The following ERMARD variants were observed in gnomAD, a reference collection of about 807,000 sequenced individuals.
The protein encoded by ERMARD is ER membrane associated RNA degradation.
In ERMARD, 71 loss-of-function variants were observed where a neutral mutation model predicts 83.9. The ratio of observed to expected loss-of-function variants is 0.85; its 90% CI spans 0.70 to 1.03. ERMARD has a LOEUF of 1.03. Ranked by LOEUF, ERMARD falls within the 50% of genes least tolerant of loss-of-function variation. The pLI is 0.00. For missense variants in ERMARD, 838 were observed against 810.9 expected (o/e 1.03, Z -0.41); for synonymous variants, 284 against 298.6 (o/e 0.95, Z 0.50).
chr6:169,776,241 G>A (rs747290751), intron 15 of ERMARD, 176 bp downstream of exon 15: 5 of 1,529,680 alleles, frequency 3.3e-6, no homozygotes, highest in Non-Finnish European at 4.4e-6. Flanking sequence ...TGCAAGCTTG[G>A]CACATCTGAT....
chr6:169,779,534 G>C (rs1383170721), intron 17 of ERMARD, among the ~76,000 whole-genome samples: 3 of 151,834 alleles, frequency 2.0e-5, no homozygotes, highest in Non-Finnish European at 2.9e-5. Context: ...TTGTTCTGTT[G>C]CCCATGCTGG....
intron 3 of ERMARD, 59 bp from the exon 4 acceptor site, chr6:169,756,279 T>G (rs1281726033): frequency 9.7e-7 from 1 of 1,029,186 alleles, no homozygotes; most frequent in Non-Finnish European, 1.4e-6. Context: ...TAAATAATAT[T>G]GTTGCTTTGA....
At chr6:169,775,065 A>G (rs931404693) in intron 13 of ERMARD, among the ~76,000 whole-genome samples, 6 of 151,982 alleles carry the variant, frequency 3.9e-5, no homozygotes, top group Admixed American at 2.0e-4. Context: ...CCAGACGTTC[A>G]CTCCCTTCCA....
Position 169,769,652 on chromosome 6 carries a change from T to G in ERMARD, c.1172T>G (p.Leu391Arg), listed in dbSNP as rs776104892. The change falls in exon 12 of 18, where the codon CTT becomes CGT. Residue 391 changes from leucine to arginine, a missense_variant. Coordinates refer to ENST00000366773, the MANE Select transcript of ERMARD (RefSeq NM_018341.3). ...TCAAAAGAAACAACTAATCAGTTGC[T>G]TGCATTTTCTCTTGTACTGCTACTC... ...EFSKETTNQL[L>R]AFSLVLLLRF... 8.2e-5 allele frequency: 133 copies of G among 1,612,936 alleles called. No homozygotes were observed. The highest frequency in any genetic ancestry group is 1.1e-4 in the Non-Finnish European group (130 of 1,179,550).
chr6:169,777,764 A>G (rs557530677), intron 16 of ERMARD, among the ~76,000 whole-genome samples: 3 of 151,980 alleles, frequency 2.0e-5, no homozygotes, highest in African/African-American at 7.2e-5. Context: ...AGACCTCCCC[A>G]GGCCCGCCCC....
At chr6:169,763,614 T>C (rs978825876) in intron 9 of ERMARD, among the ~76,000 whole-genome samples, 3 of 152,248 alleles carry the variant, frequency 2.0e-5, no homozygotes, top group African/African-American at 7.2e-5. Context: ...GATTCTCGTC[T>C]CTTTCTCTAG....
At chr6:169,770,404 T>G (rs1228763568) in intron 12 of ERMARD, 3 of 152,204 alleles carry the variant, frequency 2.0e-5, no homozygotes, top group East Asian at 1.9e-4. Context: ...GCCTTATTCT[T>G]TTTGTCAGCT....
intron 10 of ERMARD, chr6:169,767,683 C>T: frequency 4.6e-6 from 1 of 219,712 alleles, no homozygotes; most frequent in South Asian, 7.8e-5. Context: ...CACACATGCA[C>T]ACACCACACA....
chr6:169,751,858 C>T (rs1341861695), intron 1 of ERMARD, 195 bp downstream of exon 1: 2 of 773,654 alleles, frequency 2.6e-6, no homozygotes, highest in Non-Finnish European at 3.7e-6. Flanking sequence ...TGCAAGACGC[C>T]TGGCGGGCCC....
At chr6:169,752,784 G>C (rs1183361836) in intron 1 of ERMARD, among the ~76,000 whole-genome samples, 1 of 152,160 alleles carries the variant, frequency 6.6e-6, no homozygotes, top group Non-Finnish European at 1.5e-5. Context: ...GTGTCATGTG[G>C]GGTAATTGTG....
At position 169,754,017 on chromosome 6, in the gene ERMARD, A is replaced by G. The variant is rs1790482745; in HGVS notation, c.160A>G (p.Ser54Gly). The G allele has an allele frequency of 6.2e-7, 1 of 1,611,766 alleles. No individual in the cohort carries two copies. The highest frequency in any genetic ancestry group is 1.7e-5 in the Admixed American group (1 of 59,792). The change falls in exon 2 of 18, where the codon AGC (serine) becomes GGC (glycine). Residue 54 changes from serine to glycine, a missense_variant. By Grantham distance (56) the Ser-to-Gly change is moderately conservative. Transcript: ENST00000366773. ...VCWKTITDCV[S>G]YTESEQGLDY... Reference sequence around the variant, plus strand: ...CTGGAAAACAATCACAGACTGTGTGAGCTACACAGAGTCAGGTTTGTGCTG... The same window carrying G: ...CTGGAAAACAATCACAGACTGTGTGGGCTACACAGAGTCAGGTTTGTGCTG...
At chr6:169,752,582 A>C (rs1006722346) in intron 1 of ERMARD, among the ~76,000 whole-genome samples, 1 of 152,174 alleles carries the variant, frequency 6.6e-6, no homozygotes, top group African/African-American at 2.4e-5. Context: ...CTGAGAGTGG[A>C]AAGTGCAACT....
At position 169,766,636 on chromosome 6, in the gene ERMARD, A is replaced by C. The variant is rs1160338813; in HGVS notation, c.961-2A>C. ...TATTTTCATTTCTTTCCTTTTCTGA[A>C]GTCAACAGCTCTTTATACCACCTTT... On this transcript the variant is annotated splice_acceptor_variant, in intron 9 of 17. Coordinates refer to ENST00000366773, the MANE Select transcript of ERMARD (RefSeq NM_018341.3). LOFTEE classifies it high-confidence loss of function. 3 of 1,577,870 alleles carry C rather than the reference A, an allele frequency of 1.9e-6. No homozygotes were observed. The highest frequency in any genetic ancestry group is 2.6e-6 in the Non-Finnish European group (3 of 1,169,580).
Position 169,756,792 on chromosome 6 carries a change from T to A in ERMARD, c.491T>A (p.Val164Asp), listed in dbSNP as rs756893835. Residue 164 changes from valine (V) to aspartate (D), a missense_variant, in exon 5 of 18, where the codon GTC (valine) becomes GAC (aspartate). By Grantham distance (152) the Val-to-Asp change is radical (BLOSUM62 -3). Transcript: ENST00000366773. ...CTTTCATCTGAGGAGCTTGCTCAAG[T>A]CTTCAGTCAGTCTGTGGTAAGCTTG... ...DLLSSEELAQ[V>D]FSQSVMNVLK... The A allele has an allele frequency of 6.2e-7, 1 of 1,613,932 alleles. No individual in the cohort carries two copies. The highest frequency in any genetic ancestry group is 1.3e-5 in the African/African-American group (1 of 74,924).
At position 169,755,679 on chromosome 6, in the gene ERMARD, G is replaced by T. The variant is rs74641387; in HGVS notation, c.315+257G>T. 7 of 421,600 alleles carry T rather than the reference G, an allele frequency of 1.7e-5. No individual in the cohort carries two copies. In the East Asian group the frequency reaches 2.2e-4, roughly 13 times the overall value. 26.1% of individuals were successfully genotyped at this position (421,600 alleles called of 1,614,324 possible). On this transcript the variant is annotated intron_variant, in intron 3 of 17. Transcript: ENST00000366773. Reference sequence around the variant, plus strand: ...GTTGGAGAGCTAACATTTGTCACACGGTGCCCATCCAAGGATAGAGGAAAA... The same window carrying T: ...GTTGGAGAGCTAACATTTGTCACACTGTGCCCATCCAAGGATAGAGGAAAA...
Position 169,751,679 on chromosome 6 carries a change from G to C in ERMARD, c.6+16G>C. The stretch of plus-strand genomic sequence containing the variant: ...AGTTATGGAGGTAGGGCGGGTGTAG[G>C]GCCCGGTTCGATCCCGAGCTAGGCA... On this transcript the variant is annotated intron_variant, in intron 1 of 17. Coordinates refer to ENST00000366773, the MANE Select transcript of ERMARD (RefSeq NM_018341.3). The C allele has an allele frequency of 6.4e-7, 1 of 1,550,532 alleles. No individual in the cohort carries two copies. The highest frequency in any genetic ancestry group is 8.7e-7 in the Non-Finnish European group (1 of 1,147,556).
chr6:169,762,617 TTC>T (rs1347018457), intron 9 of ERMARD, 86 bp downstream of exon 9: 24 of 1,131,666 alleles, frequency 2.1e-5, no homozygotes, highest in Non-Finnish European at 3.0e-5. Flanking sequence ...AAAAATGTTA[TTC>T]TGTTTCACAT....
intron 9 of ERMARD, among the ~76,000 whole-genome samples, chr6:169,764,169 G>C (rs886111333): frequency 2.6e-5 from 4 of 151,808 alleles, no homozygotes; most frequent in Non-Finnish European, 5.9e-5. Flanking sequence ...CCCCCGCCTG[G>C]CTCCTCGGCC....
At chr6:169,758,758 T>G (rs935484000) in intron 5 of ERMARD, among the ~76,000 whole-genome samples, 1 of 152,166 alleles carries the variant, frequency 6.6e-6, no homozygotes, top group Non-Finnish European at 1.5e-5. Context: ...CCTCATAGGT[T>G]GTTCTTAGGA....
Sources: gnomAD v4.1 joint callset for allele counts (sites outside exome capture counted in the v4.1 genomes callset) on GRCh38, gnomAD v4.1.1 for gene constraint, MANE v1.5 for transcripts, NCBI Gene and HGNC (gene_info 2026-07-23, HGNC 2026-07-21) for gene names.